The following CCDC169 variants were observed in gnomAD, a reference collection of about 807,000 sequenced individuals.
CCDC169 encodes coiled-coil domain-containing protein 169.
Under a neutral mutation model 36.0 loss-of-function variants are expected in CCDC169, and 30 were observed. The ratio of observed to expected loss-of-function variants is 0.83; its 90% CI spans 0.62 to 1.13. The LOEUF is 1.13. Among genes scored for constraint, CCDC169 ranks in the 50% most tolerant of loss-of-function variants. The pLI is 0.00. For synonymous variants in CCDC169, 85 were observed against 81.5 expected (o/e 1.04, Z -0.23); for missense variants, 245 against 245.9 (o/e 1.00, Z 0.03).
chr13:36,288,321 A>G (rs753069319), intron 2 of CCDC169, among the ~76,000 whole-genome samples: 3 of 152,200 alleles, frequency 2.0e-5, no homozygotes, highest in Non-Finnish European at 4.4e-5. Flanking sequence ...ACCCGGAAAT[A>G]ACTTTAAATA....
chr13:36,233,493 A>G lies in CCDC169; in HGVS notation c.546-2201T>C, dbSNP rs1186145680. ...TTCCCTGAGGAAGTCCAGATGTTAG[A>G]CTTAATAGAGAAAGACTTTAAATCT... On this transcript the variant is annotated intron_variant, in intron 7 of 7. Coordinates refer to ENST00000239859, the MANE Select transcript of CCDC169 (RefSeq NM_001144981.3). Among the ~76,000 whole-genome samples, 3 of 151,680 alleles carry G rather than the reference A, an allele frequency of 2.0e-5. No homozygotes were observed. The East Asian group carries it at 5.8e-4, about 29-fold the overall frequency.
chr13:36,236,830 G>T (rs1871134951), intron 7 of CCDC169, among the ~76,000 whole-genome samples: 1 of 152,000 alleles, frequency 6.6e-6, no homozygotes, highest in South Asian at 2.1e-4. Flanking sequence ...AGAAGATACA[G>T]TTGTCCCTCT....
intron 4 of CCDC169, among the ~76,000 whole-genome samples, chr13:36,263,186 G>A (rs970757590): frequency 7.2e-6 from 1 of 139,318 alleles, no homozygotes; most frequent in Non-Finnish European, 1.6e-5. Context: ...ACATTGGTAC[G>A]AAAGTAGAGG....
chr13:36,257,956 C>A (rs1874123311), intron 4 of CCDC169, among the ~76,000 whole-genome samples: 1 of 152,080 alleles, frequency 6.6e-6, no homozygotes, highest in African/African-American at 2.4e-5. Flanking sequence ...CCAATATAGA[C>A]AGAACTCAGA....
chr13:36,257,356 T>C (rs1258545115), intron 4 of CCDC169, among the ~76,000 whole-genome samples: 1 of 152,106 alleles, frequency 6.6e-6, no homozygotes, highest in African/African-American at 2.4e-5. Context: ...GTGAGGTTCA[T>C]TACCCTAATT....
At chr13:36,246,334 A>G (rs1249933699) in intron 7 of CCDC169, among the ~76,000 whole-genome samples, 2 of 152,238 alleles carry the variant, frequency 1.3e-5, no homozygotes, top group African/African-American at 4.8e-5. Flanking sequence ...AAAAGAAATT[A>G]AAAGCACCAC....
intron 2 of CCDC169, among the ~76,000 whole-genome samples, chr13:36,288,796 AT>A (rs1878544322): frequency 6.6e-6 from 1 of 152,136 alleles, no homozygotes; most frequent in Non-Finnish European, 1.5e-5. Flanking sequence ...GGGGAGAGAG[AT>A]ATAAAGAAAG....
At chr13:36,252,056 A>G (rs1488737395) in intron 6 of CCDC169, among the ~76,000 whole-genome samples, 2 of 152,168 alleles carry the variant, frequency 1.3e-5, no homozygotes, top group East Asian at 3.9e-4. Context: ...TGGGATTCAA[A>G]TTCAGATTTG....
intron 7 of CCDC169, among the ~76,000 whole-genome samples, chr13:36,243,190 C>T (rs772498410): frequency 3.9e-5 from 6 of 152,172 alleles, no homozygotes; most frequent in Non-Finnish European, 7.3e-5. Context: ...AGGTGTTGAT[C>T]CTAAGAACTC....
At chr13:36,254,274 A>AATTTTTTTTTTTTTTTTTT (rs745490666) in intron 4 of CCDC169, 131 bp from the exon 5 acceptor site, 1 of 393,704 alleles carries the variant, frequency 2.5e-6, no homozygotes. Context: ...TATGATATGT[A>AATTTTTTTTTTTTTTTTTT]CTTTTTTTTT....
At chr13:36,251,930 G>A (rs1039281102) in intron 6 of CCDC169, among the ~76,000 whole-genome samples, 21 of 152,118 alleles carry the variant, frequency 1.4e-4, no homozygotes, top group Non-Finnish European at 2.9e-4. Flanking sequence ...CCAGCACTTC[G>A]CACATATTAT....
At chr13:36,291,763 T>A (rs1251792932) in intron 2 of CCDC169, among the ~76,000 whole-genome samples, 2 of 152,194 alleles carry the variant, frequency 1.3e-5, no homozygotes, top group Non-Finnish European at 2.9e-5. Context: ...TTAAGTATTA[T>A]GCTAGTTTGA....
intron 7 of CCDC169, among the ~76,000 whole-genome samples, chr13:36,243,447 CAG>C (rs36117685): frequency 0.4 from 61,268 of 151,518 alleles, 13,107 homozygotes; most frequent in Non-Finnish European, 0.48. Flanking sequence ...TTGCAGTGAG[CAG>C]AGAGATTGCA....
At chr13:36,273,585 C>T (rs1876386979) in intron 4 of CCDC169, among the ~76,000 whole-genome samples, 1 of 152,154 alleles carries the variant, frequency 6.6e-6, no homozygotes, top group Non-Finnish European at 1.5e-5. Flanking sequence ...TAATACTACG[C>T]TTCAATAATA....
At chr13:36,282,534 G>A in intron 4 of CCDC169, 1 of 985,236 alleles carries the variant, frequency 1.0e-6, no homozygotes. Context: ...CCTGTCCAGA[G>A]AATAGAGAGG....
chr13:36,253,699 C>T, intron 6 of CCDC169, 104 bp downstream of exon 6: 1 of 1,385,452 alleles, frequency 7.2e-7, no homozygotes, highest in Non-Finnish European at 9.6e-7. Flanking sequence ...AACTTAACTC[C>T]AAAATCTGCT....
In CCDC169 at chr13:36,261,602, G is replaced by C. The variant is rs1874618103; in HGVS notation, c.316-7459C>G. On this transcript the variant is annotated intron_variant, in intron 4 of 7. Transcript: ENST00000239859. ...TTACTATCCTTTTCAGGTGGGACTG[G>C]CTGGACACTCAACTGGTTGATATCC... Among the ~76,000 whole-genome samples, 4 of 152,168 alleles carry C rather than the reference G, an allele frequency of 2.6e-5. No individual in the cohort carries two copies. In the South Asian group the frequency reaches 8.3e-4, roughly 32 times the overall value.
rs548390968 is a variant in CCDC169 at position 36,230,989 on chromosome 13, C to G, written c.*204G>C. ...TAGGATATTTTAAAACTCTCAAGCA[C>G]TTCTATTACATAGTTTAGGGTCACT... On this transcript the variant is annotated 3_prime_UTR_variant, in exon 8 of 8. Transcript: ENST00000239859. 7.8e-5 allele frequency: 103 copies of G among 1,326,702 alleles called. 1 individual carries two copies. The South Asian group carries it at 1.3e-3, about 17-fold the overall frequency. 82.2% of individuals were successfully genotyped at this position (1,326,702 alleles called of 1,614,324 possible).
intron 4 of CCDC169, among the ~76,000 whole-genome samples, chr13:36,255,501 A>G (rs1819808734): frequency 6.6e-6 from 1 of 152,084 alleles, no homozygotes; most frequent in Non-Finnish European, 1.5e-5. Flanking sequence ...TGTCTGCACT[A>G]AAAATACAAA....
Sources: allele counts gnomAD v4.1 joint callset (sites outside exome capture counted in the v4.1 genomes callset), GRCh38; gene constraint gnomAD v4.1.1; transcripts MANE v1.5; gene names NCBI Gene and HGNC (gene_info 2026-07-23, HGNC 2026-07-21).